Variants in RNF19B observed in about 807,000 individuals in gnomAD.
RNF19B encodes the protein E3 ubiquitin-protein ligase RNF19B.
In RNF19B, 23 loss-of-function variants were observed where a neutral mutation model predicts 65.5. The observed-to-expected ratio is 0.35, with a 90% CI of 0.25 to 0.50. RNF19B has a LOEUF of 0.50. RNF19B is among the 20% of genes least tolerant of loss of function. The pLI, the probability that RNF19B is intolerant of heterozygous loss-of-function variation, is 0.98. For synonymous variants in RNF19B, 372 were observed against 379.6 expected, an observed-to-expected ratio of 0.98 and a Z score of 0.23; for missense variants, 794 against 980.0, an observed-to-expected ratio of 0.81 and a Z score of 2.53.
In RNF19B at chr1:32,936,735, A is replaced by AG; in HGVS notation, c.*70_*71insC. 1.0e-6 allele frequency: 1 copy of AG among 981,790 alleles called. No individual in the cohort carries two copies. Among genetic ancestry groups the AG allele is most frequent in the Middle Eastern group, 2.9e-4 (1 of 3,496 alleles). 60.8% of individuals were successfully genotyped at this position (981,790 alleles called of 1,614,324 possible). ...AATACATAAATCTCTACCCCTTGGA[A>AG]AAAAAAAAAAAAAAATTCCAAAAGA... is the stretch of plus-strand genomic sequence containing the variant. On this transcript the variant is annotated 3_prime_UTR_variant, in exon 9 of 9. Transcript: ENST00000235150.
intron 6 of RNF19B, 52 bp from the exon 7 acceptor site, chr1:32,942,511 C>T (rs1642261171): frequency 6.7e-7 from 1 of 1,500,362 alleles, no homozygotes; most frequent in South Asian, 1.1e-5. Context: ...TCAAAACAGT[C>T]AGTAGGCATT....
intron 1 of RNF19B, among the ~76,000 whole-genome samples, chr1:32,955,701 A>G (rs1220177413): frequency 4.6e-5 from 7 of 151,106 alleles, no homozygotes; most frequent in Non-Finnish European, 1.0e-4. Flanking sequence ...GTGAGCCAAG[A>G]TCGTGCCACT....
chr1:32,934,671 A>C (rs377635050), downstream of RNF19B, among the ~76,000 whole-genome samples: 1 of 151,786 alleles, frequency 6.6e-6, no homozygotes, highest in Admixed American at 6.6e-5. Flanking sequence ...ACAGAGCCAG[A>C]CTCCGTCTCT....
At chr1:32,933,937 C>A (rs1301612459), downstream of RNF19B, among the ~76,000 whole-genome samples, 1 of 152,166 alleles carries the variant, frequency 6.6e-6, no homozygotes, top group Non-Finnish European at 1.5e-5. Flanking sequence ...TAAACTACTG[C>A]CCCTCCAACA....
intron 1 of RNF19B, among the ~76,000 whole-genome samples, chr1:32,953,158 C>G (rs1642551059): frequency 6.6e-6 from 1 of 151,068 alleles, no homozygotes; most frequent in Non-Finnish European, 1.5e-5. Context: ...TTTGTAGAGA[C>G]AGGGTTGGTC....
At chr1:32,959,295 T>C (rs1557582200) in intron 1 of RNF19B, among the ~76,000 whole-genome samples, 1 of 152,202 alleles carries the variant, frequency 6.6e-6, no homozygotes, top group Non-Finnish European at 1.5e-5. Context: ...TCCCTTCTTA[T>C]TCATCTGTAC....
downstream of RNF19B, among the ~76,000 whole-genome samples, chr1:32,935,272 G>A: frequency 6.6e-6 from 1 of 152,004 alleles, no homozygotes; most frequent in Non-Finnish European, 1.5e-5. Context: ...CGAGTAGCTG[G>A]AATTACAGAC....
At chr1:32,938,140 C>CAAAAAAAAAAAAAAAAAAAA (rs80176999) in intron 8 of RNF19B, among the ~76,000 whole-genome samples, 26 of 45,956 alleles carry the variant, frequency 5.7e-4, no homozygotes, top group East Asian at 2.0e-3. Context: ...CCAAGAAAGA[C>CAAAAAAAAAAAAAAAAAAAA]AAAAAAAAAA....
chr1:32,959,407 T>C (rs545034593), intron 1 of RNF19B, among the ~76,000 whole-genome samples: 2 of 152,340 alleles, frequency 1.3e-5, no homozygotes, highest in East Asian at 3.9e-4. Flanking sequence ...AGCAACAGGA[T>C]ACTTGAGAGG....
rs1642862380 is a variant in RNF19B, at chr1:32,964,588, A to AGGCGCC, written c.92_97dup (p.Arg31_Arg32dup). On this transcript the variant is annotated inframe_insertion, in exon 1 of 9. Transcript: ENST00000235150. This position sits in a 1 kb window ranked among gnomAD's most constrained non-coding sequence, Gnocchi z 6.5. ...GGCAGAGAAGACGCTGTGCAAGGTG[A>AGGCGCC]GGCGCCGGCGCCGGCCGCCGCTGCG... 1.1e-5 allele frequency: 16 copies of AGGCGCC among 1,442,282 alleles called. No homozygotes were observed. Among genetic ancestry groups the AGGCGCC allele is most frequent in the Admixed American group, 2.6e-5 (1 of 38,866 alleles). 89.3% of individuals were successfully genotyped at this position (1,442,282 alleles called of 1,614,324 possible).
At chr1:32,948,077 CATG>C (rs1642409362) in intron 3 of RNF19B, 142 bp downstream of exon 3, 2 of 722,426 alleles carry the variant, frequency 2.8e-6, no homozygotes, top group Non-Finnish European at 2.2e-6. Context: ...CTGGTGAAAA[CATG>C]ATTAGAGGAG....
intron 7 of RNF19B, among the ~76,000 whole-genome samples, chr1:32,941,048 C>A (rs927661620): frequency 6.6e-6 from 1 of 151,908 alleles, no homozygotes; most frequent in African/African-American, 2.4e-5. Context: ...CCGAGCAAGA[C>A]CCCATCTCTA....
chr1:32,945,151 C>T (rs1642335604), intron 5 of RNF19B, among the ~76,000 whole-genome samples: 2 of 152,094 alleles, frequency 1.3e-5, no homozygotes, highest in African/African-American at 4.8e-5. Context: ...TTATGCCTCC[C>T]AAAGTAATGT....
chr1:32,962,471 T>C (rs1642792666), intron 1 of RNF19B, among the ~76,000 whole-genome samples: 1 of 152,156 alleles, frequency 6.6e-6, no homozygotes, highest in African/African-American at 2.4e-5. Flanking sequence ...CACTTCAAAG[T>C]AATTTAGAAA....
chr1:32,943,621 A>T (rs1454890292), intron 6 of RNF19B, among the ~76,000 whole-genome samples: 1 of 152,184 alleles, frequency 6.6e-6, no homozygotes, highest in Non-Finnish European at 1.5e-5. Context: ...CAAAAAAAAA[A>T]AAAGAAATTC....
intron 1 of RNF19B, among the ~76,000 whole-genome samples, chr1:32,951,292 C>T (rs1032765266): frequency 3.3e-5 from 5 of 152,256 alleles, no homozygotes; most frequent in African/African-American, 7.2e-5. Context: ...GCTGTCCCCA[C>T]GTCAGGCATA....
rs1323259294 is a variant in RNF19B at position 32,964,194 on chromosome 1, G to A, written c.492C>T (p.Pro164=). 16 of 1,547,028 alleles carry A rather than the reference G, an allele frequency of 1.0e-5. No homozygotes were observed. Among genetic ancestry groups the A allele is most frequent in the Non-Finnish European group, 1.4e-5 (16 of 1,145,526 alleles). Residue 164 remains proline, a synonymous_variant, in exon 1 of 9, where the codon CCC becomes CCT. Coordinates refer to ENST00000235150, the MANE Select transcript of RNF19B (RefSeq NM_001300826.2). The surrounding 1 kb of genome is among the most constrained non-coding windows in gnomAD (Gnocchi z 6.5). ...ISESRVPISC[P]ECSERLNPHD... is the part of the protein sequence containing the mutation. ...GCGGGTTGAGTCGCTCGCTGCACTCGGGGCAGCTGATGGGCACCCTGCTCT... is the reference window on the plus strand; with the variant it reads ...GCGGGTTGAGTCGCTCGCTGCACTCAGGGCAGCTGATGGGCACCCTGCTCT...
downstream of RNF19B, among the ~76,000 whole-genome samples, chr1:32,931,549 T>C (rs1011180838): frequency 7.9e-5 from 12 of 152,226 alleles, no homozygotes; most frequent in Non-Finnish European, 1.2e-4. Flanking sequence ...AGGGTCCCCA[T>C]TGCTCATTTC....
intron 1 of RNF19B, among the ~76,000 whole-genome samples, chr1:32,958,735 T>C (rs1174615016): frequency 6.7e-6 from 1 of 149,496 alleles, no homozygotes; most frequent in Non-Finnish European, 1.5e-5. Flanking sequence ...AAAAAAAAGA[T>C]GGTTGGAAAC....
Sources: gnomAD v4.1 joint callset for allele counts (sites outside exome capture counted in the v4.1 genomes callset) on GRCh38, gnomAD v4.1.1 for gene constraint, Gnocchi (gnomAD v3.1) non-coding constraint, MANE v1.5 for transcripts, NCBI Gene and HGNC (gene_info 2026-07-23, HGNC 2026-07-21) for gene names.